CEP162: variants seen among roughly 807,000 people sequenced by gnomAD.
CEP162 encodes the protein centrosomal protein of 162 kDa.
In CEP162, 141 loss-of-function variants were observed where a neutral mutation model predicts 169.2. That is an observed-to-expected ratio of 0.83 (90% CI 0.73 to 0.96). CEP162 has a LOEUF of 0.96. CEP162 is among the 40% of genes least tolerant of loss of function. CEP162 has a pLI of 0.00. For synonymous variants in CEP162, 540 were observed against 526.4 expected (o/e 1.03, Z -0.35); for missense variants, 1,600 against 1,587.2 (o/e 1.01, Z -0.14).
rs1349531161 is a variant in CEP162 at position 84,160,875 on chromosome 6, C to T, written c.2718G>A (p.Arg906=). 1 of 1,612,798 alleles carries T rather than the reference C, an allele frequency of 6.2e-7. No homozygotes were observed. The highest frequency in any genetic ancestry group is 1.7e-5 in the Admixed American group (1 of 59,978). The change falls in exon 21 of 27, where the codon CGG becomes CGA. Residue 906 remains arginine (R), a synonymous_variant. Coordinates refer to ENST00000403245, the MANE Select transcript of CEP162 (RefSeq NM_014895.4). ...CTTTATCTTTTAAGCGTATCTTCTG[C>T]CGAATAGATGGATTCCCAGATTCAG... ...LKAESGNPSI[R]QKIRLKDKAA...
Position 84,149,665 on chromosome 6 carries a change from T to G in CEP162, c.3668A>C (p.Lys1223Thr). 6.3e-7 allele frequency: 1 copy of G among 1,588,988 alleles called. No homozygotes were observed. The highest frequency in any genetic ancestry group is 8.6e-7 in the Non-Finnish European group (1 of 1,166,396). Residue 1223 changes from lysine (K) to threonine (T), a missense_variant, in exon 24 of 27, where the codon AAA (lysine) becomes ACA (threonine). Transcript: ENST00000403245. ...CTCTATTTCTCTCTGATGAGATGCT[T>G]TGAGGGATGCAATGTGTGCTGCAGT... Reference protein sequence around the residue: ...EDTAAHIASLKASHQREIEKL... With the variant: ...EDTAAHIASLTASHQREIEKL...
Position 84,194,897 on chromosome 6 carries a change from A to G in CEP162, c.1014T>C (p.Ser338=). The change falls in exon 10 of 27, where the codon TCT becomes TCC. Residue 338 remains serine (S), a synonymous_variant. Coordinates refer to ENST00000403245, the MANE Select transcript of CEP162 (RefSeq NM_014895.4). The part of the protein sequence containing the change: ...QENEENSKNI[S]TMESDLPTVE... Reference sequence around the variant, plus strand: ...GTAAGTTTTTACCAGATTCCATAGTAGAGATGTTTTTTGAATTCTCTTCAT... The same window carrying G: ...GTAAGTTTTTACCAGATTCCATAGTGGAGATGTTTTTTGAATTCTCTTCAT... The G allele has an allele frequency of 1.2e-6, 2 of 1,605,850 alleles. No individual in the cohort carries two copies. The highest frequency in any genetic ancestry group is 1.1e-5 in the South Asian group (1 of 90,126).
chr6:84,173,389 T>C (rs1441072900), intron 16 of CEP162, among the ~76,000 whole-genome samples: 2 of 152,218 alleles, frequency 1.3e-5, no homozygotes, highest in Non-Finnish European at 2.9e-5. Context: ...AGTTACATCC[T>C]GATAAGCCCA....
intron 9 of CEP162, among the ~76,000 whole-genome samples, chr6:84,197,277 C>G (rs1033716884): frequency 6.6e-6 from 1 of 151,454 alleles, no homozygotes; most frequent in African/African-American, 2.4e-5. Flanking sequence ...GTAGGAGAGG[C>G]TGCTCAAAAA....
At position 84,138,247 on chromosome 6, in the gene CEP162, T is replaced by G. The variant is rs181971871; in HGVS notation, c.3870+8440A>C. 2.2e-3 allele frequency among the ~76,000 whole-genome samples: 328 copies of G among 152,302 alleles called. 1 individual carries two copies. The highest frequency in any genetic ancestry group is 2.2e-3 in the Non-Finnish European group (151 of 68,026). On this transcript the variant is annotated intron_variant, in intron 25 of 26. Coordinates refer to ENST00000403245, the MANE Select transcript of CEP162 (RefSeq NM_014895.4). Reference sequence around the variant, plus strand: ...ATAACTAGAAAACAGCACAAAATATTTGAAACAACTGTTTTCAGACACTGG... The same window carrying G: ...ATAACTAGAAAACAGCACAAAATATGTGAAACAACTGTTTTCAGACACTGG...
intron 2 of CEP162, among the ~76,000 whole-genome samples, chr6:84,224,181 A>G (rs148359720): frequency 6.6e-6 from 1 of 152,352 alleles, no homozygotes; most frequent in African/African-American, 2.4e-5. Flanking sequence ...TGGTACATCT[A>G]CACAATGAAA....
At chr6:84,173,037 T>G (rs1237111835) in intron 16 of CEP162, among the ~76,000 whole-genome samples, 5 of 152,120 alleles carry the variant, frequency 3.3e-5, no homozygotes, top group Admixed American at 3.3e-4. Flanking sequence ...AATTCAAAAT[T>G]TTTTCACCCT....
chr6:84,157,086 T>C (rs1248420297), intron 21 of CEP162, among the ~76,000 whole-genome samples: 1 of 152,082 alleles, frequency 6.6e-6, no homozygotes, highest in Non-Finnish European at 1.5e-5. Context: ...CTGCAAGAAA[T>C]CTGCAATTGT....
chr6:84,177,158 T>C (rs2129224112), intron 13 of CEP162, among the ~76,000 whole-genome samples: 1 of 152,268 alleles, frequency 6.6e-6, no homozygotes, highest in East Asian at 1.9e-4. Context: ...GCTGCCACAG[T>C]GGACAAGACA....
chr6:84,198,019 C>A (rs2099542882), intron 9 of CEP162, among the ~76,000 whole-genome samples: 1 of 151,960 alleles, frequency 6.6e-6, no homozygotes, highest in Non-Finnish European at 1.5e-5. Flanking sequence ...TGTTAGGAAA[C>A]CTTAAGTTTT....
At chr6:84,224,667 T>G (rs994914759) in intron 2 of CEP162, among the ~76,000 whole-genome samples, 1 of 152,090 alleles carries the variant, frequency 6.6e-6, no homozygotes, top group Admixed American at 6.5e-5. Context: ...TTAGCATGAC[T>G]CTAAAATCAT....
intron 9 of CEP162, among the ~76,000 whole-genome samples, chr6:84,195,932 T>G (rs2099541956): frequency 6.6e-6 from 1 of 152,230 alleles, no homozygotes; most frequent in South Asian, 2.1e-4. Flanking sequence ...ACATCTAGAT[T>G]GCTCTATATC....
intron 24 of CEP162, among the ~76,000 whole-genome samples, chr6:84,147,289 T>C (rs2099519300): frequency 6.6e-6 from 1 of 152,030 alleles, no homozygotes; most frequent in Non-Finnish European, 1.5e-5. Context: ...AAACTTGATC[T>C]CATGAACACA....
At chr6:84,224,739 G>C (rs1400837201) in intron 2 of CEP162, among the ~76,000 whole-genome samples, 1 of 151,048 alleles carries the variant, frequency 6.6e-6, no homozygotes, top group Admixed American at 6.6e-5. Flanking sequence ...GAGGAAGAGA[G>C]ACACAGACAG....
intron 19 of CEP162, 58 bp from the exon 20 acceptor site, chr6:84,161,967 C>T (rs2099525967): frequency 2.7e-6 from 3 of 1,101,504 alleles, no homozygotes; most frequent in East Asian, 2.5e-5. Flanking sequence ...TGGAAATAAA[C>T]TAAATTAAAA....
intron 7 of CEP162, 77 bp from the exon 8 acceptor site, chr6:84,201,844 A>G: frequency 1.4e-6 from 1 of 720,872 alleles, no homozygotes; most frequent in Non-Finnish European, 2.3e-6. Flanking sequence ...AATAATAGCA[A>G]AATCTGAAAT....
chr6:84,207,963 C>G (rs2076469376), intron 6 of CEP162, among the ~76,000 whole-genome samples: 6 of 150,920 alleles, frequency 4.0e-5, no homozygotes. Context: ...AAGGAAGGAC[C>G]TTTGTGAAAT....
In CEP162 at chr6:84,140,713, T is replaced by C. The variant is rs570154786; in HGVS notation, c.3870+5974A>G. ...CTAATTTTTGTATTTTTTATAGAGATGATGTCTCGTCATATTGCCCAGGCT... is the reference window on the plus strand; with the variant it reads ...CTAATTTTTGTATTTTTTATAGAGACGATGTCTCGTCATATTGCCCAGGCT... On this transcript the variant is annotated intron_variant, in intron 25 of 26. Coordinates refer to ENST00000403245, the MANE Select transcript of CEP162 (RefSeq NM_014895.4). 3.3e-5 allele frequency among the ~76,000 whole-genome samples: 5 copies of C among 152,124 alleles called. No individual in the cohort carries two copies. The East Asian group carries it at 9.7e-4, about 30-fold the overall frequency.
intron 21 of CEP162, 85 bp downstream of exon 21, chr6:84,160,727 C>G: frequency 1.3e-6 from 1 of 796,592 alleles, no homozygotes. Context: ...TCAACTCCAT[C>G]TCATGGGAAC....
Sources: gnomAD v4.1 joint callset for allele counts (sites outside exome capture counted in the v4.1 genomes callset) on GRCh38, gnomAD v4.1.1 for gene constraint, MANE v1.5 for transcripts, NCBI Gene and HGNC (gene_info 2026-07-23, HGNC 2026-07-21) for gene names.